The following MAP3K3 variants were observed in gnomAD, a reference collection of about 807,000 sequenced individuals.
MAP3K3 encodes the protein mitogen-activated protein kinase kinase kinase 3, also known as MAP/ERK kinase kinase 3.
MAP3K3 carries 12 observed loss-of-function variants against 80.9 expected under a neutral mutation model. The ratio of observed to expected loss-of-function variants is 0.15; its 90% CI spans 0.10 to 0.24. The LOEUF (loss-of-function observed/expected upper bound fraction) is 0.24. MAP3K3 is among the 10% of genes least tolerant of loss of function. The pLI is 1.00. For synonymous variants in MAP3K3, 272 were observed against 307.1 expected, an observed-to-expected ratio of 0.89 and a Z score of 1.19; for missense variants, 596 against 834.7, an observed-to-expected ratio of 0.71 and a Z score of 3.52.
intron 1 of MAP3K3, among the ~76,000 whole-genome samples, chr17:63,630,728 C>T (rs888554375): frequency 1.3e-5 from 2 of 151,998 alleles, no homozygotes; most frequent in Admixed American, 1.3e-4. Flanking sequence ...TTGTAGATAC[C>T]CACTTTCTCC....
rs1166390121 is a variant in MAP3K3 at position 63,693,010 on chromosome 17, G to A, written c.1653-539G>A. 6.6e-6 allele frequency among the ~76,000 whole-genome samples: 1 copy of A among 152,214 alleles called. No individual in the cohort carries two copies. Among genetic ancestry groups the A allele is most frequent in the African/African-American group, 2.4e-5 (1 of 41,456 alleles). On this transcript the variant is annotated intron_variant, in intron 15 of 15. Transcript: ENST00000361733. The surrounding 1 kb of genome is among the most constrained non-coding windows in gnomAD (Gnocchi z 4.2). Reference sequence around the variant, plus strand: ...CTTACAGAAGGGTCTCAAGAGGTCAGAGTGGCTAATAGGAGGTGAGACAAT... The same window carrying A: ...CTTACAGAAGGGTCTCAAGAGGTCAAAGTGGCTAATAGGAGGTGAGACAAT...
At chr17:63,625,859 C>T (rs2034089442) in intron 1 of MAP3K3, among the ~76,000 whole-genome samples, 1 of 152,080 alleles carries the variant, frequency 6.6e-6, no homozygotes, top group Non-Finnish European at 1.5e-5. Flanking sequence ...ATCGCTTGAG[C>T]CCAGGAGTTC....
At chr17:63,672,706 T>C (rs11079508) in intron 6 of MAP3K3, 42,666 of 152,162 alleles carry the variant, frequency 0.28, 6,416 homozygotes, top group Middle Eastern at 0.37. Flanking sequence ...GATGAGCCTG[T>C]GAAGGACACA....
chr17:63,633,420 T>C (rs1259553189), intron 2 of MAP3K3, among the ~76,000 whole-genome samples: 1 of 152,150 alleles, frequency 6.6e-6, no homozygotes, highest in African/African-American at 2.4e-5. Context: ...TACCTTACAG[T>C]ATATAGTCAG....
chr17:63,671,984 TA>T (rs1283639054), intron 6 of MAP3K3, among the ~76,000 whole-genome samples: 286 of 143,476 alleles, frequency 2.0e-3, no homozygotes, highest in East Asian at 3.8e-3. Context: ...CAATATCATT[TA>T]AAAAAAAAAA....
chr17:63,640,371 A>C (rs947584939), intron 2 of MAP3K3, among the ~76,000 whole-genome samples: 1 of 152,124 alleles, frequency 6.6e-6, no homozygotes, highest in Non-Finnish European at 1.5e-5. Context: ...ATTGAGTTTG[A>C]GATTACAGTG....
chr17:63,683,806 T>A (rs1020974182), intron 7 of MAP3K3, among the ~76,000 whole-genome samples: 24 of 152,236 alleles, frequency 1.6e-4, no homozygotes, highest in African/African-American at 4.8e-4. Context: ...TATTTACTAA[T>A]TTTTAGAATG....
At chr17:63,682,157 A>G (rs1481006478) in intron 7 of MAP3K3, among the ~76,000 whole-genome samples, 8 of 152,174 alleles carry the variant, frequency 5.3e-5, no homozygotes, top group Non-Finnish European at 1.5e-5. Flanking sequence ...ATTTTTCTTC[A>G]TCGTGGTCCT....
chr17:63,629,227 A>G (rs997414838), intron 1 of MAP3K3, among the ~76,000 whole-genome samples: 1 of 151,970 alleles, frequency 6.6e-6, no homozygotes, highest in African/African-American at 2.4e-5. Context: ...TGTTCAGGCA[A>G]TTCTCCTGCC....
In MAP3K3 at chr17:63,652,670, T is replaced by C. The variant is rs1253627795; in HGVS notation, c.267+14T>C. On this transcript the variant is annotated intron_variant, in intron 4 of 15. Coordinates refer to ENST00000361733, the MANE Select transcript of MAP3K3 (RefSeq NM_002401.5). ...ATGAACAATGAGGTGAGAAGGCAGA[T>C]GGATGGGGCAGGGACAAGAGGGGCA... 11 of 1,572,186 alleles carry C rather than the reference T, an allele frequency of 7.0e-6. No homozygotes were observed. The highest frequency in any genetic ancestry group is 1.3e-5 in the African/African-American group (1 of 74,080).
chr17:63,665,431 C>A (rs546245657), intron 5 of MAP3K3, among the ~76,000 whole-genome samples: 1 of 152,084 alleles, frequency 6.6e-6, no homozygotes, highest in Non-Finnish European at 1.5e-5. Flanking sequence ...TCCCAAAGTG[C>A]TGGGATTATA....
chr17:63,636,283 GCTATTAA>G (rs1281108715), intron 2 of MAP3K3, among the ~76,000 whole-genome samples: 1 of 152,228 alleles, frequency 6.6e-6, no homozygotes, highest in African/African-American at 2.4e-5. Flanking sequence ...TGGGCAGTGA[GCTATTAA>G]CAATTTTCTA....
At chr17:63,688,628 G>C (rs1403480159) in intron 9 of MAP3K3, 34 bp downstream of exon 9, 2 of 1,592,960 alleles carry the variant, frequency 1.3e-6, no homozygotes, top group South Asian at 1.1e-5. Flanking sequence ...GGTAATGCAG[G>C]GTGTCTGGGT....
chr17:63,659,721 A>T (rs1000559235), intron 5 of MAP3K3, among the ~76,000 whole-genome samples: 4 of 151,408 alleles, frequency 2.6e-5, no homozygotes, highest in African/African-American at 9.7e-5. Flanking sequence ...TTAGTAGAGA[A>T]GGGGTTTCAC....
At position 63,667,088 on chromosome 17, in the gene MAP3K3, C is replaced by T. The variant is rs767376926; in HGVS notation, c.502+28C>T. On this transcript the variant is annotated intron_variant, in intron 6 of 15. Coordinates refer to ENST00000361733, the MANE Select transcript of MAP3K3 (RefSeq NM_002401.5). ...GAGTATTTCAACCCTTTTTTCTCCC[C>T]CTCTATTTTATCTGCCCACATTTTA... 4.5e-6 allele frequency: 7 copies of T among 1,555,266 alleles called. No homozygotes were observed. The East Asian group carries it at 6.9e-5, about 15-fold the overall frequency.
Position 63,664,017 on chromosome 17 carries a change from C to T in MAP3K3, c.382-2923C>T, listed in dbSNP as rs369189010. Among the ~76,000 whole-genome samples the T allele has an allele frequency of 4.8e-4, 72 of 151,576 alleles. 1 individual carries two copies. The highest frequency in any genetic ancestry group is 3.4e-3 in the Middle Eastern group (1 of 294). On this transcript the variant is annotated intron_variant, in intron 5 of 15. Transcript: ENST00000361733. ...CAGCACTTTGGGAGGCCGAGGCGGG[C>T]GGATCACGAGGTCAGGAGATCGAGA...
chr17:63,646,616 G>A (rs974358112), intron 3 of MAP3K3, among the ~76,000 whole-genome samples: 1 of 152,098 alleles, frequency 6.6e-6, no homozygotes, highest in Non-Finnish European at 1.5e-5. Flanking sequence ...GGAGTTTTTC[G>A]GTCTGTGTTC....
At chr17:63,663,681 G>A (rs1201751822) in intron 5 of MAP3K3, among the ~76,000 whole-genome samples, 1 of 152,018 alleles carries the variant, frequency 6.6e-6, no homozygotes, top group African/African-American at 2.4e-5. Flanking sequence ...GAAATAATTT[G>A]TATAACAAGT....
chr17:63,630,423 G>T (rs1006932402), intron 1 of MAP3K3, among the ~76,000 whole-genome samples: 1 of 152,086 alleles, frequency 6.6e-6, no homozygotes, highest in South Asian at 2.1e-4. Context: ...AACCTCCTGG[G>T]CTCAAGTGAT....
Sources: allele counts gnomAD v4.1 joint callset (sites outside exome capture counted in the v4.1 genomes callset), GRCh38; gene constraint gnomAD v4.1.1; non-coding constraint Gnocchi (gnomAD v3.1); transcripts MANE v1.5; gene names NCBI Gene and HGNC (gene_info 2026-07-23, HGNC 2026-07-21).